The following ZDHHC14 variants were observed in gnomAD, a reference collection of about 807,000 sequenced individuals.
The protein encoded by ZDHHC14 is zDHHC palmitoyltransferase 14.
In ZDHHC14, 16 loss-of-function variants were observed where a neutral mutation model predicts 47.7. The observed-to-expected ratio is 0.34, with a 90% CI of 0.23 to 0.51. ZDHHC14 has a LOEUF of 0.51. Among genes scored for constraint, ZDHHC14 ranks in the 20% least tolerant of loss-of-function variants. The pLI, the probability that ZDHHC14 is intolerant of heterozygous loss-of-function variation, is 0.97. For synonymous variants in ZDHHC14, 293 were observed against 278.9 expected (o/e 1.05, Z -0.50); for missense variants, 515 against 662.5 (o/e 0.78, Z 2.44).
chr6:157,645,872 T>C (rs1414730558), intron 6 of ZDHHC14, 33 bp downstream of exon 6: 2 of 1,594,812 alleles, frequency 1.3e-6, no homozygotes, highest in East Asian at 4.5e-5. Context: ...CACGGGCGTG[T>C]TCTTGGGTTT....
intron 1 of ZDHHC14, among the ~76,000 whole-genome samples, chr6:157,488,453 G>T (rs540911061): frequency 6.6e-6 from 1 of 152,308 alleles, no homozygotes; most frequent in Admixed American, 6.5e-5. Context: ...GGGTGTGTCT[G>T]TTTAACAGGC....
chr6:157,661,739 C>G (rs563437075), intron 8 of ZDHHC14, among the ~76,000 whole-genome samples: 1 of 152,208 alleles, frequency 6.6e-6, no homozygotes, highest in Non-Finnish European at 1.5e-5. Context: ...CTGAGGTTCA[C>G]CTCCCTGGCC....
At chr6:157,508,190 A>G (rs576931086) in intron 1 of ZDHHC14, among the ~76,000 whole-genome samples, 21 of 152,310 alleles carry the variant, frequency 1.4e-4, no homozygotes, top group Non-Finnish European at 2.5e-4. Context: ...AATGATGATC[A>G]ATCATTGTGT....
chr6:157,433,658 C>G (rs1036328625), intron 1 of ZDHHC14, among the ~76,000 whole-genome samples: 1 of 142,298 alleles, frequency 7.0e-6, no homozygotes, highest in Non-Finnish European at 1.6e-5. Context: ...CTGTGGTACT[C>G]TGAAGGGCAG....
chr6:157,597,473 G>A (rs539788573), intron 3 of ZDHHC14, among the ~76,000 whole-genome samples: 44 of 152,380 alleles, frequency 2.9e-4, no homozygotes, highest in African/African-American at 1.1e-3. Context: ...GGATTTACAT[G>A]TACTAGATTT....
At chr6:157,572,815 A>C (rs778781711) in intron 2 of ZDHHC14, among the ~76,000 whole-genome samples, 10 of 151,892 alleles carry the variant, frequency 6.6e-5, no homozygotes, top group Non-Finnish European at 1.5e-4. Context: ...TAGCACATGA[A>C]ACTCATTCTT....
Position 157,550,020 on chromosome 6 carries a change from G to A in ZDHHC14, c.406+7275G>A, listed in dbSNP as rs150208442. 3.1e-3 allele frequency among the ~76,000 whole-genome samples: 476 copies of A among 152,342 alleles called. 4 individuals carry two copies. The highest frequency in any genetic ancestry group is 5.3e-3 in the Non-Finnish European group (362 of 68,040). ...TTGTAGCTCCTGTCTCCTGGTGGAC[G>A]TCCTTCACAGAATTGTCTTCTTGGT... is the stretch of plus-strand genomic sequence containing the variant. On this transcript the variant is annotated intron_variant, in intron 2 of 8. Coordinates refer to ENST00000359775, the MANE Select transcript of ZDHHC14 (RefSeq NM_024630.3).
chr6:157,466,962 C>T (rs371423657), intron 1 of ZDHHC14, among the ~76,000 whole-genome samples: 1 of 152,182 alleles, frequency 6.6e-6, no homozygotes, highest in African/African-American at 2.4e-5. Flanking sequence ...CCTCACATGG[C>T]GAGGCTCATT....
chr6:157,551,697 T>A (rs184859350), intron 2 of ZDHHC14, among the ~76,000 whole-genome samples: 12,815 of 152,194 alleles, frequency 0.084, 823 homozygotes, highest in Admixed American at 0.22. Flanking sequence ...AGCCTCTGCT[T>A]CCTCTCCACT....
At chr6:157,566,845 G>A (rs1278330467) in intron 2 of ZDHHC14, among the ~76,000 whole-genome samples, 1 of 138,836 alleles carries the variant, frequency 7.2e-6, no homozygotes, top group African/African-American at 2.9e-5. Context: ...ATTTAGCAAG[G>A]GGAATTTTTT....
chr6:157,540,336 G>A (rs149938617), intron 1 of ZDHHC14, among the ~76,000 whole-genome samples: 183 of 152,254 alleles, frequency 1.2e-3, no homozygotes, highest in African/African-American at 4.3e-3. Flanking sequence ...AACGGTGGAG[G>A]GCAAAGCATG....
intron 1 of ZDHHC14, among the ~76,000 whole-genome samples, chr6:157,428,993 G>C (rs941773389): frequency 6.6e-6 from 1 of 152,186 alleles, no homozygotes; most frequent in Non-Finnish European, 1.5e-5. Context: ...TGATGAGCTT[G>C]TGAGTGTGTT....
rs1230241383 is a variant in ZDHHC14 at position 157,542,566 on chromosome 6, C to T, written c.246-19C>T. ...CCTTTCTTTTCCCCTTCTCTCCGGT[C>T]TGTCCAACCTGTCGGCAGCTGTCCG... On this transcript the variant is annotated intron_variant, in intron 1 of 8. Coordinates refer to ENST00000359775, the MANE Select transcript of ZDHHC14 (RefSeq NM_024630.3). 12 of 1,611,086 alleles carry T rather than the reference C, an allele frequency of 7.4e-6. No homozygotes were observed. In the Admixed American group the frequency reaches 2.0e-4, roughly 27 times the overall value.
At chr6:157,664,887 T>C (rs190580149) in intron 8 of ZDHHC14, among the ~76,000 whole-genome samples, 1,843 of 152,292 alleles carry the variant, frequency 0.012, 23 homozygotes, top group Middle Eastern at 0.024. Context: ...CTAGGACTTC[T>C]GGTCCTCCTG....
intron 3 of ZDHHC14, among the ~76,000 whole-genome samples, chr6:157,625,770 C>T (rs1325952009): frequency 6.6e-6 from 1 of 152,082 alleles, no homozygotes; most frequent in Admixed American, 6.5e-5. Flanking sequence ...AGGATAATTT[C>T]TCGGTGAGCC....
intron 8 of ZDHHC14, among the ~76,000 whole-genome samples, chr6:157,667,703 CT>C (rs1554280144): frequency 2.6e-5 from 4 of 151,992 alleles, no homozygotes; most frequent in Non-Finnish European, 5.9e-5. Context: ...TCCCCCATGA[CT>C]TTCTCAAATG....
chr6:157,628,517 T>C, intron 4 of ZDHHC14, 31 bp downstream of exon 4: 3 of 1,590,748 alleles, frequency 1.9e-6, no homozygotes, highest in South Asian at 1.2e-5. Context: ...AGATTACGTA[T>C]GTAACCATTT....
chr6:157,644,594 C>T (rs749496238), intron 5 of ZDHHC14, among the ~76,000 whole-genome samples: 1 of 152,222 alleles, frequency 6.6e-6, no homozygotes, highest in Non-Finnish European at 1.5e-5. Context: ...AACCATGGCA[C>T]AGCAGACCAC....
intron 8 of ZDHHC14, among the ~76,000 whole-genome samples, chr6:157,662,472 G>A (rs140990956): frequency 2.0e-4 from 30 of 152,352 alleles, no homozygotes; most frequent in African/African-American, 3.8e-4. Flanking sequence ...GTGAGCCCCC[G>A]CGCCCAGCCT....
Sources: allele counts gnomAD v4.1 joint callset (sites outside exome capture counted in the v4.1 genomes callset), GRCh38; gene constraint gnomAD v4.1.1; transcripts MANE v1.5; gene names NCBI Gene and HGNC (gene_info 2026-07-23, HGNC 2026-07-21).